The following KDM3B variants were observed in gnomAD, a reference collection of about 807,000 sequenced individuals.
KDM3B encodes the protein lysine demethylase 3B.
A neutral mutation model predicts 170.0 loss-of-function variants in KDM3B; 10 were observed. The ratio of observed to expected loss-of-function variants is 0.06; its 90% CI spans 0.04 to 0.10. KDM3B has a LOEUF of 0.10. KDM3B is among the 10% of genes least tolerant of loss of function. The pLI, the probability that KDM3B is intolerant of heterozygous loss-of-function variation, is 1.00. For synonymous variants in KDM3B, 831 were observed against 834.8 expected, an observed-to-expected ratio of 1.00 and a Z score of 0.08; for missense variants, 1,394 against 2,195.2, an observed-to-expected ratio of 0.64 and a Z score of 7.29.
chr5:138,358,353 G>A (rs1580871802), intron 1 of KDM3B, among the ~76,000 whole-genome samples: 1 of 134,082 alleles, frequency 7.5e-6, no homozygotes, highest in South Asian at 2.4e-4. Flanking sequence ...TGCCCAGGCT[G>A]GAGTGCAGTG....
At chr5:138,419,728 T>G (rs61219565) in intron 14 of KDM3B, among the ~76,000 whole-genome samples, 1 of 122,202 alleles carries the variant, frequency 8.2e-6, no homozygotes, top group South Asian at 2.8e-4. Context: ...TACACACACA[T>G]ACACACACAC....
At chr5:138,362,365 T>C (rs1761631078) in intron 1 of KDM3B, among the ~76,000 whole-genome samples, 1 of 151,816 alleles carries the variant, frequency 6.6e-6, no homozygotes, top group Non-Finnish European at 1.5e-5. Context: ...CAGGGAAGAT[T>C]AATTCCTATC....
At chr5:138,422,331 A>AC (rs1184742517) in intron 15 of KDM3B, among the ~76,000 whole-genome samples, 6 of 152,202 alleles carry the variant, frequency 3.9e-5, no homozygotes, top group African/African-American at 1.4e-4. Flanking sequence ...TTCATAAGGT[A>AC]CAATATCTAA....
At chr5:138,415,359 C>G in intron 12 of KDM3B, 120 bp downstream of exon 12, 1 of 543,270 alleles carries the variant, frequency 1.8e-6, no homozygotes, top group Non-Finnish European at 3.3e-6. Flanking sequence ...CATCAGATTT[C>G]TCTGAGAATT....
chr5:138,358,503 G>A (rs911386787), intron 1 of KDM3B, among the ~76,000 whole-genome samples: 6 of 149,424 alleles, frequency 4.0e-5, no homozygotes, highest in East Asian at 4.0e-4. Context: ...ACGGGGTTTC[G>A]CCATGTTGGC....
intron 7 of KDM3B, among the ~76,000 whole-genome samples, chr5:138,387,995 G>A (rs1198744802): frequency 6.6e-6 from 1 of 151,998 alleles, no homozygotes; most frequent in African/African-American, 2.4e-5. Context: ...GCAGGAGGAT[G>A]GCGTGAACCT....
At chr5:138,421,902 A>T (rs1763282229) in intron 15 of KDM3B, among the ~76,000 whole-genome samples, 1 of 152,050 alleles carries the variant, frequency 6.6e-6, no homozygotes, top group African/African-American at 2.4e-5. Context: ...CCCTGTCTTC[A>T]ACTACCACTC....
chr5:138,370,142 T>G (rs1032151885), intron 1 of KDM3B, among the ~76,000 whole-genome samples: 1 of 152,246 alleles, frequency 6.6e-6, no homozygotes, highest in Non-Finnish European at 1.5e-5. Flanking sequence ...TGAATGAGCC[T>G]ATTTATATAT....
rs767440417 is a variant in KDM3B, at chr5:138,391,657, C to T, written c.2025C>T (p.Pro675=). 1.9e-6 allele frequency: 3 copies of T among 1,613,946 alleles called. No homozygotes were observed. The highest frequency in any genetic ancestry group is 1.1e-5 in the South Asian group (1 of 91,076). ...TVTSKVAPSW[P]ESHSSADSAS... is the part of the protein sequence containing the mutation. ...CCTCCAAGGTGGCACCCAGCTGGCC[C>T]GAGTCTCACTCCTCTGCAGATTCGG... Residue 675 remains proline (P), a synonymous_variant, in exon 8 of 24, where the codon CCC becomes CCT. Transcript: ENST00000314358. The surrounding 1 kb of genome is among the most constrained non-coding windows in gnomAD (Gnocchi z 5.0).
chr5:138,386,732 T>C (rs570018182), intron 7 of KDM3B, 111 bp downstream of exon 7: 208 of 1,397,508 alleles, frequency 1.5e-4, no homozygotes, highest in African/African-American at 9.8e-4. Flanking sequence ...ATTTCTGAGA[T>C]GTGCTTAAAT....
At chr5:138,419,361 G>A (rs937390674) in intron 14 of KDM3B, 129 bp downstream of exon 14, 8 of 1,178,882 alleles carry the variant, frequency 6.8e-6, no homozygotes, top group Non-Finnish European at 9.4e-6. Context: ...CTAATCACAT[G>A]AGGGACTGCC....
At chr5:138,375,244 T>C (rs1175293005) in intron 3 of KDM3B, 38 bp downstream of exon 3, 7 of 1,294,614 alleles carry the variant, frequency 5.4e-6, no homozygotes, top group Non-Finnish European at 7.8e-6. Flanking sequence ...CCTATTATTT[T>C]TTTCGCTGCT....
chr5:138,418,104 G>A (rs1271633825), intron 13 of KDM3B: 2 of 116,032 alleles, frequency 1.7e-5, no homozygotes, highest in East Asian at 3.3e-4. Flanking sequence ...TTTTCAGACA[G>A]AGTCTTGCTC....
chr5:138,353,105 G>A (rs957087357), intron 1 of KDM3B, 118 bp downstream of exon 1: 11 of 880,820 alleles, frequency 1.2e-5, no homozygotes, highest in Non-Finnish European at 1.6e-5. Context: ...GTGCCCCCGG[G>A]TCTCCTTAGC....
At position 138,373,066 on chromosome 5, in the gene KDM3B, C is replaced by A. The variant is rs774029986; in HGVS notation, c.360+225C>A. Reference sequence around the variant, plus strand: ...ATGAAAGAATTTTTTTGGCCAGACGCGGTGGCTCACGCCTTGTAATCCCAG... The same window carrying A: ...ATGAAAGAATTTTTTTGGCCAGACGAGGTGGCTCACGCCTTGTAATCCCAG... On this transcript the variant is annotated intron_variant, in intron 2 of 23. Coordinates refer to ENST00000314358, the MANE Select transcript of KDM3B (RefSeq NM_016604.4). Among the ~76,000 whole-genome samples, 3 of 152,060 alleles carry A rather than the reference C, an allele frequency of 2.0e-5. No individual in the cohort carries two copies. The East Asian group carries it at 5.8e-4, about 29-fold the overall frequency.
intron 1 of KDM3B, among the ~76,000 whole-genome samples, chr5:138,360,740 T>G (rs987969045): frequency 1.3e-5 from 2 of 151,936 alleles, no homozygotes; most frequent in Non-Finnish European, 2.9e-5. Context: ...TACAGGTGCC[T>G]GCCACCACAC....
At chr5:138,416,588 CAAAAAAA>C (rs545925296) in intron 12 of KDM3B, among the ~76,000 whole-genome samples, 1 of 84,226 alleles carries the variant, frequency 1.2e-5, no homozygotes. Context: ...GACTCTGTCT[CAAAAAAA>C]AAAAAAAAAA....
intron 1 of KDM3B, among the ~76,000 whole-genome samples, chr5:138,353,678 G>A (rs1457799975): frequency 6.6e-6 from 1 of 152,128 alleles, no homozygotes; most frequent in East Asian, 1.9e-4. Flanking sequence ...GGGGCTGCTG[G>A]GTAGTGCTTT....
rs115167355 is a variant in KDM3B, at chr5:138,391,410, T to C, written c.1778T>C (p.Val593Ala). 3.7e-6 allele frequency: 6 copies of C among 1,613,706 alleles called. No individual in the cohort carries two copies. Among genetic ancestry groups the C allele is most frequent in the Non-Finnish European group, 5.1e-6 (6 of 1,179,786 alleles). ...GCTGGCAGCTCTGTGGACCGGAAAG[T>C]GCCTGCAGAGTCCATGCCCACCCTC... The part of the protein sequence containing the change: ...SKAGSSVDRK[V>A]PAESMPTLTP... The change falls in exon 8 of 24, where the codon GTG becomes GCG. Residue 593 changes from valine (V) to alanine (A), a missense_variant. Val to Ala is a moderately conservative substitution (Grantham distance 64). Around this residue, in one of 19 missense-constraint regions of KDM3B, gnomAD observed 294 missense variants for 311.7 expected, o/e 0.94. Coordinates refer to ENST00000314358, the MANE Select transcript of KDM3B (RefSeq NM_016604.4). This position sits in a 1 kb window ranked among gnomAD's most constrained non-coding sequence, Gnocchi z 5.0.
Sources: gnomAD v4.1 joint callset for allele counts (sites outside exome capture counted in the v4.1 genomes callset) on GRCh38, gnomAD v4.1.1 for gene constraint, gnomAD v4.1.1 regional missense constraint, Gnocchi (gnomAD v3.1) non-coding constraint, MANE v1.5 for transcripts, NCBI Gene and HGNC (gene_info 2026-07-23, HGNC 2026-07-21) for gene names.